Variants in MCF2L observed in about 807,000 individuals in gnomAD.
MCF2L encodes MCF.2 cell line derived transforming sequence like.
A neutral mutation model predicts 153.4 loss-of-function variants in MCF2L; 97 were observed. The observed-to-expected ratio is 0.63, with a 90% CI of 0.54 to 0.75. The LOEUF (loss-of-function observed/expected upper bound fraction) is 0.75, where lower values mean the gene tolerates loss of function less well. MCF2L is among the 30% of genes least tolerant of loss of function. The pLI is 0.00. For missense variants in MCF2L, 1,347 were observed against 1,495.2 expected, an observed-to-expected ratio of 0.90 and a Z score of 1.64; for synonymous variants, 659 against 632.2, an observed-to-expected ratio of 1.04 and a Z score of -0.64.
At chr13:113,095,728 G>A (rs578147621) in intron 27 of MCF2L, 22 of 994,432 alleles carry the variant, frequency 2.2e-5, no homozygotes, top group Middle Eastern at 5.2e-4. Flanking sequence ...GCACCCCTCC[G>A]CAGCCCACCA....
At chr13:113,088,427 C>T (rs753033977) in intron 24 of MCF2L, 22 bp downstream of exon 24, 9 of 1,613,106 alleles carry the variant, frequency 5.6e-6, no homozygotes, top group South Asian at 1.1e-5. Context: ...TTCAAGCGAT[C>T]GTTTCCCGTA....
intron 3 of MCF2L, among the ~76,000 whole-genome samples, chr13:113,036,628 C>T (rs951914668): frequency 4.6e-5 from 7 of 152,252 alleles, no homozygotes; most frequent in Non-Finnish European, 8.8e-5. Context: ...TGTCCCGGCC[C>T]CGCATCCCCA....
rs2081154191 is a variant in MCF2L, at chr13:112,904,672, T to C, written c.169+2301T>C. On this transcript the variant is annotated intron_variant, in intron 2 of 29. Transcript: ENST00000375608. The surrounding 1 kb of genome is among the most constrained non-coding windows in gnomAD (Gnocchi z 4.2). The stretch of plus-strand genomic sequence containing the variant: ...GATTGGAAGATAATCTGCTTAGAGT[T>C]CTGAGCGGTGAAGCCCTTCTGGCTG... Among the ~76,000 whole-genome samples, 1 of 152,226 alleles carries C rather than the reference T, an allele frequency of 6.6e-6. No homozygotes were observed. The highest frequency in any genetic ancestry group is 2.1e-4 in the South Asian group (1 of 4,828).
At chr13:113,086,920 T>G (rs2034689037) in intron 21 of MCF2L, among the ~76,000 whole-genome samples, 1 of 152,188 alleles carries the variant, frequency 6.6e-6, no homozygotes, top group Non-Finnish European at 1.5e-5. Flanking sequence ...GCCGTTCCCC[T>G]TGGAGCTCAC....
chr13:113,022,393 C>A (rs565913901), intron 2 of MCF2L, among the ~76,000 whole-genome samples: 103 of 150,870 alleles, frequency 6.8e-4, no homozygotes, highest in African/African-American at 2.5e-3. Context: ...CCACCCCCGC[C>A]GGCCAGGGGT....
intron 2 of MCF2L, among the ~76,000 whole-genome samples, chr13:112,913,957 A>ATGCC (rs2081262804): frequency 1.3e-5 from 2 of 151,964 alleles, no homozygotes; most frequent in Non-Finnish European, 2.9e-5. Context: ...CAGCCCCCCA[A>ATGCC]TGCCTGCACC....
At chr13:113,094,480 CG>C (rs756570896) in intron 26 of MCF2L, 33 bp from the exon 27 acceptor site, 10 of 1,590,028 alleles carry the variant, frequency 6.3e-6, no homozygotes, top group South Asian at 3.4e-5. Context: ...GGCTCATCAC[CG>C]GGGGGTCCCT....
rs948127287 is a variant in MCF2L, at chr13:113,049,396, G to A, written c.369+4035G>A. 7.2e-5 allele frequency among the ~76,000 whole-genome samples: 11 copies of A among 152,232 alleles called. No individual in the cohort carries two copies. The East Asian group carries it at 1.7e-3, about 24-fold the overall frequency. On this transcript the variant is annotated intron_variant, in intron 4 of 29. Coordinates refer to ENST00000535094, the MANE Select transcript of MCF2L (RefSeq NM_001112732.3). ...GCCCCAGGCTCTGTCCATGAGCCAC[G>A]CACTCCTTGGAGAGGGCAGACCAGG...
At chr13:112,963,808 GCAGCTGGGTGGGGCCA>G (rs1358455754) in intron 2 of MCF2L, among the ~76,000 whole-genome samples, 2 of 152,204 alleles carry the variant, frequency 1.3e-5, no homozygotes, top group African/African-American at 4.8e-5. Flanking sequence ...AGACGGGCTC[GCAGCTGGGTGGGGCCA>G]CAGCCAAGAG....
rs776856656 is a variant in MCF2L at position 113,094,494 on chromosome 13, C to T, written c.2954-20C>T. The T allele has an allele frequency of 1.7e-5, 28 of 1,601,696 alleles. No individual in the cohort carries two copies. Among genetic ancestry groups the T allele is most frequent in the South Asian group, 1.2e-4 (11 of 89,256 alleles). On this transcript the variant is annotated intron_variant, in intron 26 of 29. Coordinates refer to ENST00000535094, the MANE Select transcript of MCF2L (RefSeq NM_001112732.3). ...CGGCTCATCACCGGGGGGTCCCTCACGGGTGTCTGTCTCTCTTAGGTTGGA... is the reference window on the plus strand; with the variant it reads ...CGGCTCATCACCGGGGGGTCCCTCATGGGTGTCTGTCTCTCTTAGGTTGGA...
rs1483301360 is a variant in MCF2L at position 112,983,136 on chromosome 13, G to A, written c.79+13678G>A. Among the ~76,000 whole-genome samples the A allele has an allele frequency of 1.3e-5, 2 of 152,098 alleles. No homozygotes were observed. Among genetic ancestry groups the A allele is most frequent in the Non-Finnish European group, 2.9e-5 (2 of 68,016 alleles). On this transcript the variant is annotated intron_variant, in intron 1 of 29. Coordinates refer to ENST00000535094, the MANE Select transcript of MCF2L (RefSeq NM_001112732.3). The surrounding 1 kb of genome is among the most constrained non-coding windows in gnomAD (Gnocchi z 4.0). ...GCGGCCCACGGGCTGTGGCAGGGAC[G>A]CAGCACTCAGCAGGTGCCTCAGGGT...
intron 4 of MCF2L, among the ~76,000 whole-genome samples, chr13:113,060,214 T>G: frequency 6.6e-6 from 1 of 152,182 alleles, no homozygotes; most frequent in East Asian, 1.9e-4. Context: ...TGACCTCACT[T>G]TAGCTTGGTT....
At chr13:113,007,071 C>G (rs1313699545) in intron 1 of MCF2L, among the ~76,000 whole-genome samples, 1 of 152,162 alleles carries the variant, frequency 6.6e-6, no homozygotes, top group Non-Finnish European at 1.5e-5. Context: ...CTCTCAGTCA[C>G]TTTGGTCTCT....
In MCF2L at chr13:112,969,571, G is replaced by A; in HGVS notation, c.79+113G>A. 6.7e-7 allele frequency: 1 copy of A among 1,499,060 alleles called. No homozygotes were observed. Among genetic ancestry groups the A allele is most frequent in the Non-Finnish European group, 9.0e-7 (1 of 1,114,484 alleles). The allele number at this position is 1,499,060 out of a possible 1,614,324, so 92.9% of individuals were successfully genotyped here. On this transcript the variant is annotated intron_variant, in intron 1 of 29. Coordinates refer to ENST00000535094, the MANE Select transcript of MCF2L (RefSeq NM_001112732.3). This position sits in a 1 kb window ranked among gnomAD's most constrained non-coding sequence, Gnocchi z 4.8. ...GCCGCCCTCGTGTTCCTTTCTAGCC[G>A]TGGTAGCTGTGACATGGGGGGCACT...
chr13:112,909,171 C>CA, intron 2 of MCF2L: 1 of 775,500 alleles, frequency 1.3e-6, no homozygotes, highest in Non-Finnish European at 2.4e-6. Flanking sequence ...CCAGGACTGG[C>CA]AAAAACACTG....
intron 2 of MCF2L, among the ~76,000 whole-genome samples, chr13:112,918,150 A>T (rs934375032): frequency 5.3e-5 from 8 of 152,292 alleles, no homozygotes; most frequent in African/African-American, 1.7e-4. Context: ...TAGCAATCGC[A>T]AATTAAGGGA....
intron 2 of MCF2L, among the ~76,000 whole-genome samples, chr13:113,020,699 C>T (rs1303944529): frequency 6.6e-6 from 1 of 152,260 alleles, no homozygotes; most frequent in Non-Finnish European, 1.5e-5. Context: ...CCTCCCAGCA[C>T]TGTCCCCGTG....
rs182100731 is a variant in MCF2L, at chr13:112,912,522, G to A, written c.169+10151G>A. On this transcript the variant is annotated intron_variant, in intron 2 of 29. Transcript: ENST00000375608. Reference sequence around the variant, plus strand: ...AGTAGAGACGGGGTTTCACCATGTTGGCCAGGCTGGTCTCGAACTCCTGAC... The same window carrying A: ...AGTAGAGACGGGGTTTCACCATGTTAGCCAGGCTGGTCTCGAACTCCTGAC... Among the ~76,000 whole-genome samples the A allele has an allele frequency of 1.2e-3, 182 of 152,154 alleles. 1 individual carries two copies. Among genetic ancestry groups the A allele is most frequent in the Admixed American group, 0.01 (154 of 15,284 alleles).
At chr13:112,913,226 CTG>C (rs540479896) in intron 2 of MCF2L, among the ~76,000 whole-genome samples, 1 of 128,134 alleles carries the variant, frequency 7.8e-6, no homozygotes, top group African/African-American at 3.0e-5. Context: ...TGGGGTGTGT[CTG>C]TGTGTGATTG....
Sources: allele counts gnomAD v4.1 joint callset (sites outside exome capture counted in the v4.1 genomes callset), GRCh38; gene constraint gnomAD v4.1.1; non-coding constraint Gnocchi (gnomAD v3.1); transcripts MANE v1.5; gene names NCBI Gene and HGNC (gene_info 2026-07-23, HGNC 2026-07-21).